The following MINPP1 variants were observed in gnomAD, a reference collection of about 807,000 sequenced individuals.
The protein encoded by MINPP1 is multiple inositol-polyphosphate phosphatase 1.
Under a neutral mutation model 46.1 loss-of-function variants are expected in MINPP1, and 28 were observed. The ratio of observed to expected loss-of-function variants is 0.61; its 90% CI spans 0.45 to 0.83. The LOEUF (loss-of-function observed/expected upper bound fraction) is 0.83. MINPP1 is among the 40% of genes least tolerant of loss of function. The pLI, the probability that MINPP1 is intolerant of heterozygous loss-of-function variation, is 0.00. For synonymous variants in MINPP1, 268 were observed against 249.1 expected, an observed-to-expected ratio of 1.08 and a Z score of -0.72; for missense variants, 603 against 610.0, an observed-to-expected ratio of 0.99 and a Z score of 0.12.
intron 3 of MINPP1, among the ~76,000 whole-genome samples, chr10:87,515,134 C>T (rs1273065366): frequency 6.6e-6 from 1 of 151,944 alleles, no homozygotes; most frequent in East Asian, 1.9e-4. Context: ...TGCCTGTAAT[C>T]CCAGCACTTT....
intron 4 of MINPP1, among the ~76,000 whole-genome samples, chr10:87,544,198 G>C (rs1851856407): frequency 6.6e-6 from 1 of 152,168 alleles, no homozygotes; most frequent in South Asian, 2.1e-4. Flanking sequence ...TAATTTCCAG[G>C]AGTGGCTCAC....
intron 4 of MINPP1, among the ~76,000 whole-genome samples, chr10:87,548,652 A>C (rs1460608321): frequency 3.9e-5 from 6 of 152,036 alleles, no homozygotes; most frequent in Admixed American, 2.6e-4. Flanking sequence ...GTTATTGTAA[A>C]AATATATAAA....
intron 1 of MINPP1, among the ~76,000 whole-genome samples, chr10:87,507,637 A>G (rs1321436212): frequency 6.6e-6 from 1 of 152,200 alleles, no homozygotes; most frequent in Non-Finnish European, 1.5e-5. Flanking sequence ...TTTGAATATG[A>G]CTGAAAAAAA....
intron 4 of MINPP1, among the ~76,000 whole-genome samples, chr10:87,533,127 C>T (rs1367376823): frequency 6.6e-6 from 1 of 152,006 alleles, no homozygotes; most frequent in African/African-American, 2.4e-5. Context: ...CTCCATCCCA[C>T]CCCTACCCCT....
intron 4 of MINPP1, among the ~76,000 whole-genome samples, chr10:87,521,871 A>C (rs979113789): frequency 6.6e-6 from 1 of 152,190 alleles, no homozygotes; most frequent in Non-Finnish European, 1.5e-5. Context: ...CATGACTTGA[A>C]CCTTTGATAG....
At chr10:87,539,760 T>C (rs1199307519) in intron 4 of MINPP1, among the ~76,000 whole-genome samples, 2 of 152,242 alleles carry the variant, frequency 1.3e-5, no homozygotes, top group South Asian at 2.1e-4. Flanking sequence ...TCTTAGATTC[T>C]CAGATGGTTT....
intron 3 of MINPP1, among the ~76,000 whole-genome samples, chr10:87,520,478 C>T (rs1343588020): frequency 3.3e-5 from 5 of 152,070 alleles, no homozygotes; most frequent in African/African-American, 9.7e-5. Context: ...TTCCCCATAT[C>T]CTTGGTACAC....
In MINPP1 at chr10:87,521,423, T is replaced by C. The variant is rs578223489; in HGVS notation, c.1067+254T>C. Among the ~76,000 whole-genome samples, 134 of 152,342 alleles carry C rather than the reference T, an allele frequency of 8.8e-4. 2 individuals carry two copies. In the South Asian group the frequency reaches 0.026, roughly 30 times the overall value. On this transcript the variant is annotated intron_variant, in intron 4 of 4. Transcript: ENST00000371996. The stretch of plus-strand genomic sequence containing the variant: ...TATGTGTTCCTCAACTATTCCATTT[T>C]CCTGCCTCCTCTTGCCCTTCCCTTT...
At chr10:87,544,597 T>C (rs986772642) in intron 4 of MINPP1, among the ~76,000 whole-genome samples, 12 of 152,176 alleles carry the variant, frequency 7.9e-5, no homozygotes, top group African/African-American at 2.7e-4. Flanking sequence ...GACAGCACTT[T>C]GGAGATTTCA....
intron 4 of MINPP1, among the ~76,000 whole-genome samples, chr10:87,542,005 A>G (rs1851821840): frequency 6.6e-6 from 1 of 152,178 alleles, no homozygotes; most frequent in East Asian, 1.9e-4. Flanking sequence ...TCATATCCCC[A>G]CATTTCAAAA....
At chr10:87,538,969 AAC>A (rs919511859) in intron 4 of MINPP1, among the ~76,000 whole-genome samples, 3 of 152,176 alleles carry the variant, frequency 2.0e-5, no homozygotes, top group Non-Finnish European at 4.4e-5. Context: ...ATCTACTTTG[AAC>A]ACACACATAG....
chr10:87,516,603 C>T lies in MINPP1; in HGVS notation c.933+3382C>T, dbSNP rs577442202. Reference sequence around the variant, plus strand: ...ACTGCCCATGAAAGGTGTAGTGGGGCACAAAGGAGAAAGTTAATTTGTAGG... The same window carrying T: ...ACTGCCCATGAAAGGTGTAGTGGGGTACAAAGGAGAAAGTTAATTTGTAGG... On this transcript the variant is annotated intron_variant, in intron 3 of 4. Transcript: ENST00000371996. Among the ~76,000 whole-genome samples the T allele has an allele frequency of 1.0e-3, 109 of 104,230 alleles. 24 individuals are homozygous for T. The highest frequency in any genetic ancestry group is 3.0e-3 in the African/African-American group (105 of 34,766). The allele number at this position is 104,230 out of a possible 152,430, so 68.4% of individuals were successfully genotyped here.
intron 4 of MINPP1, among the ~76,000 whole-genome samples, chr10:87,535,371 A>T (rs1245825954): frequency 6.6e-6 from 1 of 152,220 alleles, no homozygotes; most frequent in Non-Finnish European, 1.5e-5. Flanking sequence ...ATCTTTTACT[A>T]CTATGCTTTA....
Position 87,508,495 on chromosome 10 carries a change from C to G in MINPP1, c.797C>G (p.Ala266Gly), listed in dbSNP as rs1389863944. 1 of 1,613,756 alleles carries G rather than the reference C, an allele frequency of 6.2e-7. No homozygotes were observed. The highest frequency in any genetic ancestry group is 2.2e-5 in the East Asian group (1 of 44,810). ...PEMQNILKKV[A>G]ATLQVPVNDL... The stretch of plus-strand genomic sequence containing the variant: ...ATGCAGAACATTTTAAAAAAAGTTG[C>G]AGCTACTTTGCAAGTGCCAGTAAAT... Residue 266 changes from alanine (A) to glycine (G), a missense_variant, in exon 2 of 5, where the codon GCA becomes GGA. Ala to Gly is a moderately conservative substitution (Grantham distance 60, BLOSUM62 0). Around this residue, in one of 3 missense-constraint regions of MINPP1, gnomAD observed 344 missense variants for 381.1 expected, o/e 0.90. Coordinates refer to ENST00000371996, the MANE Select transcript of MINPP1 (RefSeq NM_004897.5).
chr10:87,534,006 A>G (rs3847449), intron 4 of MINPP1, among the ~76,000 whole-genome samples: 105,891 of 149,560 alleles, frequency 0.71, 37,717 homozygotes, highest in African/African-American at 0.78. Context: ...TTTCAGTGCT[A>G]GGAATCTCTG....
At position 87,507,999 on chromosome 10, in the gene MINPP1, CTT is replaced by C. The variant is rs537872984; in HGVS notation, c.638-335_638-334del. ...TTCTCTCTCACCTTGTAAGTAGAAA[CTT>C]TGCTGATTTTTAGTTTGCTTTCTAA... On this transcript the variant is annotated intron_variant, in intron 1 of 4. Coordinates refer to ENST00000371996, the MANE Select transcript of MINPP1 (RefSeq NM_004897.5). The C allele has an allele frequency of 6.5e-6, 9 of 1,390,860 alleles. No homozygotes were observed. In the South Asian group the frequency reaches 8.7e-5, roughly 13 times the overall value. 86.2% of individuals were successfully genotyped at this position (1,390,860 alleles called of 1,614,324 possible).
intron 3 of MINPP1, among the ~76,000 whole-genome samples, chr10:87,520,094 A>G (rs1451554298): frequency 6.0e-5 from 4 of 66,536 alleles, no homozygotes; most frequent in Non-Finnish European, 1.1e-4. Flanking sequence ...AATAAATGGT[A>G]TTATAGGGTA....
chr10:87,536,730 T>C (rs1406505469), intron 4 of MINPP1, among the ~76,000 whole-genome samples: 1 of 152,236 alleles, frequency 6.6e-6, no homozygotes, highest in African/African-American at 2.4e-5. Context: ...ATGAATCTAA[T>C]AGTTCATTCC....
chr10:87,546,987 T>C (rs758212276), intron 4 of MINPP1, among the ~76,000 whole-genome samples: 6 of 152,312 alleles, frequency 3.9e-5, no homozygotes, highest in Non-Finnish European at 7.3e-5. Flanking sequence ...GGATTTTACA[T>C]GTGCTTTTGC....
Sources: gnomAD v4.1 joint callset for allele counts (sites outside exome capture counted in the v4.1 genomes callset) on GRCh38, gnomAD v4.1.1 for gene constraint, gnomAD v4.1.1 regional missense constraint, MANE v1.5 for transcripts, NCBI Gene and HGNC (gene_info 2026-07-23, HGNC 2026-07-21) for gene names.